Variants in ANTXR1 observed in about 807,000 individuals in gnomAD.
ANTXR1 encodes the protein anthrax toxin receptor 1.
In ANTXR1, 19 loss-of-function variants were observed where a neutral mutation model predicts 78.1. The ratio of observed to expected loss-of-function variants is 0.24; its 90% CI spans 0.17 to 0.36. The LOEUF is 0.36. ANTXR1 is among the 10% of genes least tolerant of loss of function. ANTXR1 has a pLI of 1.00. For synonymous variants in ANTXR1, 273 were observed against 260.5 expected (o/e 1.05, Z -0.46); for missense variants, 518 against 718.6 (o/e 0.72, Z 3.19).
chr2:69,065,424 CAAA>C (rs34601328), intron 3 of ANTXR1, among the ~76,000 whole-genome samples: 82 of 66,754 alleles, frequency 1.2e-3, no homozygotes, highest in African/African-American at 4.1e-3. Flanking sequence ...GACTCCGTCT[CAAA>C]AAAAAAAAAA....
intron 12 of ANTXR1, among the ~76,000 whole-genome samples, chr2:69,151,192 T>TC (rs1392886308): frequency 7.0e-6 from 1 of 142,102 alleles, no homozygotes; most frequent in African/African-American, 2.6e-5. Flanking sequence ...TTTTCTTTTT[T>TC]TTTTTTTTTT....
intron 17 of ANTXR1, among the ~76,000 whole-genome samples, chr2:69,194,371 G>C (rs917731549): frequency 1.3e-5 from 2 of 152,162 alleles, no homozygotes; most frequent in Non-Finnish European, 2.9e-5. Flanking sequence ...ATCTCATTTA[G>C]AACTCCTTTC....
intron 3 of ANTXR1, among the ~76,000 whole-genome samples, chr2:69,061,506 A>G (rs531048824): frequency 3.5e-3 from 313 of 90,576 alleles, no homozygotes; most frequent in Non-Finnish European, 4.4e-3. Flanking sequence ...AACAACTGCC[A>G]AAAAAAAAAA....
intron 13 of ANTXR1, among the ~76,000 whole-genome samples, chr2:69,155,690 A>T (rs1673501327): frequency 6.6e-6 from 1 of 152,236 alleles, no homozygotes. Context: ...AATCAGTGAC[A>T]TTAGGGCACT....
rs920015430 is a variant in ANTXR1, at chr2:69,013,353, A to G, written c.-147A>G. 33 of 1,133,704 alleles carry G rather than the reference A, an allele frequency of 2.9e-5. No homozygotes were observed. In the East Asian group the frequency reaches 6.4e-4, roughly 22 times the overall value. 70.2% of individuals were successfully genotyped at this position (1,133,704 alleles called of 1,614,324 possible). On this transcript the variant is annotated 5_prime_UTR_variant, in exon 1 of 18. Transcript: ENST00000303714. This position sits in a 1 kb window ranked among gnomAD's most constrained non-coding sequence, Gnocchi z 5.0. ...CAGAGGGGAAACCTTGAACTCCTCCAGACAATTGCTTCCGGGGAGTTGCGA... is the reference window on the plus strand; with the variant it reads ...CAGAGGGGAAACCTTGAACTCCTCCGGACAATTGCTTCCGGGGAGTTGCGA...
intron 12 of ANTXR1, among the ~76,000 whole-genome samples, chr2:69,134,572 CT>C (rs1314205282): frequency 6.6e-6 from 1 of 152,128 alleles, no homozygotes; most frequent in Non-Finnish European, 1.5e-5. Flanking sequence ...TTTCAGACTC[CT>C]TATGCTGCTG....
At chr2:69,126,303 A>G (rs1672535842) in intron 12 of ANTXR1, among the ~76,000 whole-genome samples, 1 of 152,190 alleles carries the variant, frequency 6.6e-6, no homozygotes. Context: ...AAAGCAAGAA[A>G]CTAGGATTGT....
chr2:69,187,762 A>AT (rs1249229236), intron 16 of ANTXR1, among the ~76,000 whole-genome samples: 115 of 149,584 alleles, frequency 7.7e-4, no homozygotes, highest in Middle Eastern at 3.4e-3. Flanking sequence ...TAATTTTTGT[A>AT]TTTTTTTTGG....
chr2:69,085,451 A>G (rs1384567680), intron 8 of ANTXR1, among the ~76,000 whole-genome samples: 1 of 152,158 alleles, frequency 6.6e-6, no homozygotes, highest in Non-Finnish European at 1.5e-5. Context: ...GGAGTATTAC[A>G]AGATGCAGCA....
intron 6 of ANTXR1, among the ~76,000 whole-genome samples, chr2:69,074,462 T>G (rs1670667420): frequency 6.6e-6 from 1 of 152,168 alleles, no homozygotes; most frequent in Admixed American, 6.5e-5. Context: ...ACATACAAAC[T>G]TGGGAAAATA....
Position 69,182,608 on chromosome 2 carries a change from A to G in ANTXR1, c.1301A>G (p.Asn434Ser). The G allele has an allele frequency of 6.2e-7, 1 of 1,613,740 alleles. No homozygotes were observed. The highest frequency in any genetic ancestry group is 8.5e-7 in the Non-Finnish European group (1 of 1,179,606). Residue 434 changes from asparagine to serine, a missense_variant, in exon 16 of 18, where the codon AAC (asparagine) becomes AGC (serine). Asn to Ser is a conservative substitution (Grantham distance 46). Coordinates refer to ENST00000303714, the MANE Select transcript of ANTXR1 (RefSeq NM_032208.3). Reference protein sequence around the residue: ...EYEFPEPRNLNNNMRRPSSPR... With the variant: ...EYEFPEPRNLSNNMRRPSSPR... ...GAATTCCCTGAGCCGCGAAATCTCA[A>G]CAACAATATGCGTCGGCCTTCTTCC...
chr2:69,022,760 A>T (rs991626008), intron 1 of ANTXR1, among the ~76,000 whole-genome samples: 2 of 152,234 alleles, frequency 1.3e-5, no homozygotes, highest in Admixed American at 1.3e-4. Context: ...ATGATGGCTC[A>T]TGGTTATGGC....
At chr2:69,206,000 A>C (rs1212750075) in intron 17 of ANTXR1, among the ~76,000 whole-genome samples, 3 of 152,192 alleles carry the variant, frequency 2.0e-5, no homozygotes, top group African/African-American at 7.2e-5. Flanking sequence ...ACATTTGTTT[A>C]ATATTAGTGT....
At chr2:69,042,884 A>G (rs1669651590) in intron 2 of ANTXR1, among the ~76,000 whole-genome samples, 1 of 152,104 alleles carries the variant, frequency 6.6e-6, no homozygotes. Context: ...TCTTTCCTCC[A>G]CTGGCTCTCA....
At chr2:69,202,184 T>A (rs959248404) in intron 17 of ANTXR1, among the ~76,000 whole-genome samples, 2 of 151,298 alleles carry the variant, frequency 1.3e-5, no homozygotes, top group Non-Finnish European at 2.9e-5. Context: ...TAAGTCAGGG[T>A]GGAGAAAAGA....
Position 69,146,356 on chromosome 2 carries a change from A to AT in ANTXR1, c.952-5807dup, listed in dbSNP as rs941050188. 6.1e-6 allele frequency: 6 copies of AT among 985,226 alleles called. No homozygotes were observed. The African/African-American group carries it at 7.0e-5, about 11-fold the overall frequency. 61.0% of individuals were successfully genotyped at this position (985,226 alleles called of 1,614,324 possible). A position where few individuals can be genotyped will look rare whatever the true frequency, so the allele number is the denominator to read the frequency against. ...TTAAAATTAAAGGCCATGTTGATTG[A>AT]TTTTTTAAACTTTATTTCCATTTTT... On this transcript the variant is annotated intron_variant, in intron 12 of 17. Coordinates refer to ENST00000303714, the MANE Select transcript of ANTXR1 (RefSeq NM_032208.3).
intron 17 of ANTXR1, among the ~76,000 whole-genome samples, chr2:69,216,982 C>T (rs1275144986): frequency 6.6e-6 from 1 of 152,152 alleles, no homozygotes; most frequent in Non-Finnish European, 1.5e-5. Context: ...CCATCTTTCC[C>T]CTAAATGTGC....
At chr2:69,139,515 G>T (rs1001921887) in intron 12 of ANTXR1, among the ~76,000 whole-genome samples, 1 of 152,128 alleles carries the variant, frequency 6.6e-6, no homozygotes, top group Non-Finnish European at 1.5e-5. Flanking sequence ...ATAAGTTCTT[G>T]GTTTATTGAC....
At chr2:69,103,097 G>C in intron 10 of ANTXR1, 157 bp downstream of exon 10, 1 of 803,678 alleles carries the variant, frequency 1.2e-6, no homozygotes, top group South Asian at 1.4e-5. Context: ...AGCCCTTACA[G>C]TGGTTCCAGT....
Sources: allele counts gnomAD v4.1 joint callset (sites outside exome capture counted in the v4.1 genomes callset), GRCh38; gene constraint gnomAD v4.1.1; non-coding constraint Gnocchi (gnomAD v3.1); transcripts MANE v1.5; gene names NCBI Gene and HGNC (gene_info 2026-07-23, HGNC 2026-07-21).